The following DNAH7 variants were observed in gnomAD, a reference collection of about 807,000 sequenced individuals.
The protein encoded by DNAH7 is axonemal beta dynein heavy chain 7.
Under a neutral mutation model 444.6 loss-of-function variants are expected in DNAH7, and 397 were observed. That is an observed-to-expected ratio of 0.89 (90% CI 0.82 to 0.97). The LOEUF (loss-of-function observed/expected upper bound fraction) is 0.97, where lower values mean the gene tolerates loss of function less well. Among genes scored for constraint, DNAH7 ranks in the 50% least tolerant of loss-of-function variants. The pLI, the probability that DNAH7 is intolerant of heterozygous loss-of-function variation, is 0.00. For missense variants in DNAH7, 4,902 were observed against 4,800.8 expected (o/e 1.02, Z -0.62); for synonymous variants, 1,636 against 1,624.4 (o/e 1.01, Z -0.17).
In DNAH7 at chr2:195,926,601, T is replaced by G. The variant is rs181433835; in HGVS notation, c.3472-35A>C. 2.4e-4 allele frequency: 375 copies of G among 1,537,924 alleles called. 2 individuals are homozygous for G. The African/African-American group carries it at 4.3e-3, about 18-fold the overall frequency. ...AAAGAATATGCTAAATATTAACCAT[T>G]TCCTGAACAAGTTATACAATTGAGA... On this transcript the variant is annotated intron_variant, in intron 21 of 64. Coordinates refer to ENST00000312428, the MANE Select transcript of DNAH7 (RefSeq NM_018897.3).
intron 1 of DNAH7, among the ~76,000 whole-genome samples, chr2:196,064,758 C>A (rs1001195321): frequency 6.6e-5 from 10 of 152,122 alleles, no homozygotes; most frequent in African/African-American, 2.2e-4. Context: ...CCCATTAATA[C>A]GTTTCTCAAT....
chr2:195,778,618 G>GGAAAAAAAAAAAAAAAA (rs1365539221), intron 58 of DNAH7, among the ~76,000 whole-genome samples: 2 of 21,790 alleles, frequency 9.2e-5, no homozygotes, highest in African/African-American at 2.0e-4. Context: ...GACCCTGTCT[G>GGAAAAAAAAAAAAAAAA]AAAAAAAAAA....
At chr2:195,909,153 C>T (rs1687210599) in intron 25 of DNAH7, among the ~76,000 whole-genome samples, 1 of 151,888 alleles carries the variant, frequency 6.6e-6, no homozygotes, top group Non-Finnish European at 1.5e-5. Context: ...ATCTGGGTGA[C>T]AAAATTATCT....
intron 2 of DNAH7, among the ~76,000 whole-genome samples, chr2:196,056,044 G>A (rs1047370084): frequency 1.3e-5 from 2 of 152,186 alleles, no homozygotes; most frequent in African/African-American, 2.4e-5. Flanking sequence ...CCACACATAT[G>A]TCAGAAAAAT....
Position 195,973,485 on chromosome 2 carries a change from T to A in DNAH7, c.1834-1019A>T, listed in dbSNP as rs538642178. 1.0e-3 allele frequency among the ~76,000 whole-genome samples: 156 copies of A among 152,282 alleles called. 1 individual carries two copies. Among genetic ancestry groups the A allele is most frequent in the Non-Finnish European group, 1.3e-3 (88 of 68,026 alleles). On this transcript the variant is annotated intron_variant, in intron 15 of 64. Transcript: ENST00000312428. ...TGTTGTTTTGTTTTTGTTTTTGTTT[T>A]TTTTGAGATGGAGTCTCACTCTGTC...
rs1293246175 is a variant in DNAH7 at position 195,844,555 on chromosome 2, T to C, written c.8945+447A>G. On this transcript the variant is annotated intron_variant, in intron 47 of 64. Coordinates refer to ENST00000312428, the MANE Select transcript of DNAH7 (RefSeq NM_018897.3). The stretch of plus-strand genomic sequence containing the variant: ...TACAGGTATAATGGCTACTATTCCC[T>C]ATCAGTGTAGGACCCAGAAATACAT... 2.0e-5 allele frequency among the ~76,000 whole-genome samples: 3 copies of C among 152,178 alleles called. No homozygotes were observed. In the East Asian group the frequency reaches 5.8e-4, roughly 29 times the overall value.
chr2:195,827,551 G>C (rs1280303068), intron 48 of DNAH7, among the ~76,000 whole-genome samples: 1 of 151,668 alleles, frequency 6.6e-6, no homozygotes, highest in African/African-American at 2.4e-5. Flanking sequence ...CAAAATGCTG[G>C]GATTACAGGT....
chr2:195,873,609 A>G lies in DNAH7; in HGVS notation c.6372T>C (p.Tyr2124=). The G allele has an allele frequency of 2.7e-6, 4 of 1,495,064 alleles. No homozygotes were observed. The highest frequency in any genetic ancestry group is 3.6e-6 in the Non-Finnish European group (4 of 1,116,928). The allele number at this position is 1,495,064 out of a possible 1,614,324, so 92.6% of individuals were successfully genotyped here. A position where few individuals can be genotyped will look rare whatever the true frequency, so the allele number is the denominator to read the frequency against. The part of the protein sequence containing the change: ...TINEFSDKSM[Y]TIFSRILTWH... The stretch of plus-strand genomic sequence containing the variant: ...AAGTTAAGATTCTAGAGAAGATTGT[A>G]TACATGGATTTATCACTAAACTCAT... Residue 2124 remains tyrosine, a synonymous_variant, in exon 39 of 65, where the codon TAT becomes TAC. Transcript: ENST00000312428.
intron 57 of DNAH7, among the ~76,000 whole-genome samples, chr2:195,787,418 G>T (rs985164082): frequency 2.0e-5 from 3 of 152,076 alleles, no homozygotes; most frequent in African/African-American, 4.8e-5. Context: ...AGGAAGCATG[G>T]GAGGCTCATC....
intron 17 of DNAH7, among the ~76,000 whole-genome samples, chr2:195,967,729 A>G (rs1344931259): frequency 6.6e-6 from 1 of 152,104 alleles, no homozygotes; most frequent in Non-Finnish European, 1.5e-5. Flanking sequence ...TTGGAGCTCC[A>G]TTGTGTGCTA....
intron 56 of DNAH7, among the ~76,000 whole-genome samples, chr2:195,795,407 A>C (rs1435993338): frequency 6.6e-6 from 1 of 152,108 alleles, no homozygotes; most frequent in Admixed American, 6.6e-5. Context: ...ACAACAACAA[A>C]CACCTCTGAT....
chr2:196,049,564 C>T (rs1299520330), intron 3 of DNAH7, among the ~76,000 whole-genome samples: 1 of 152,150 alleles, frequency 6.6e-6, no homozygotes, highest in Non-Finnish European at 1.5e-5. Context: ...CAGGTACAAA[C>T]CTTAATACTG....
rs541591719 is a variant in DNAH7 at position 196,057,461 on chromosome 2, C to G, written c.78+593G>C. ...TTCAGGTTTACTTATAAACTAGAAA[C>G]AAGATAAATATTTGCAGAACTAAAA... On this transcript the variant is annotated intron_variant, in intron 2 of 64. Transcript: ENST00000312428. Among the ~76,000 whole-genome samples the G allele has an allele frequency of 6.6e-5, 10 of 152,096 alleles. No homozygotes were observed. In the South Asian group the frequency reaches 1.9e-3, roughly 28 times the overall value.
In DNAH7 at chr2:196,029,250, T is replaced by TTTTG. The variant is rs566487971; in HGVS notation, c.399-1207_399-1204dup. On this transcript the variant is annotated intron_variant, in intron 5 of 64. Coordinates refer to ENST00000312428, the MANE Select transcript of DNAH7 (RefSeq NM_018897.3). Reference sequence around the variant, plus strand: ...CCATAAAGCATATGACCTCAGTAACTTTTGTTTGTTTGTTTGTTTGTTTGT... The same window carrying TTTTG: ...CCATAAAGCATATGACCTCAGTAACTTTTGTTTGTTTGTTTGTTTGTTTGTTTGT... Among the ~76,000 whole-genome samples the TTTTG allele has an allele frequency of 3.2e-4, 44 of 135,608 alleles. 2 individuals are homozygous for TTTTG. The highest frequency in any genetic ancestry group is 1.3e-3 in the South Asian group (6 of 4,736). 89.0% of individuals were successfully genotyped at this position (135,608 alleles called of 152,430 possible). A position where few individuals can be genotyped will look rare whatever the true frequency, so the allele number is the denominator to read the frequency against.
chr2:195,862,907 G>T (rs1187462122), intron 41 of DNAH7, among the ~76,000 whole-genome samples: 1 of 152,150 alleles, frequency 6.6e-6, no homozygotes, highest in Non-Finnish European at 1.5e-5. Context: ...ATGGTGGTGG[G>T]TGCCTGTAAT....
At chr2:195,900,677 T>C in intron 27 of DNAH7, 183 bp from the exon 28 acceptor site, 1 of 549,060 alleles carries the variant, frequency 1.8e-6, no homozygotes, top group Non-Finnish European at 3.2e-6. Flanking sequence ...GGGGAGAGGC[T>C]GGTTAACAAA....
At chr2:196,017,604 A>T (rs1575030985) in intron 9 of DNAH7, among the ~76,000 whole-genome samples, 1 of 152,232 alleles carries the variant, frequency 6.6e-6, no homozygotes, top group East Asian at 1.9e-4. Context: ...CAAGAAAAAA[A>T]TAGAGAATCC....
At chr2:195,944,997 T>C (rs1429503308) in intron 19 of DNAH7, among the ~76,000 whole-genome samples, 1 of 151,672 alleles carries the variant, frequency 6.6e-6, no homozygotes, top group Non-Finnish European at 1.5e-5. Flanking sequence ...ACATAATTGA[T>C]TGAGTGATTT....
At chr2:196,043,827 G>A (rs1696926901) in intron 5 of DNAH7, among the ~76,000 whole-genome samples, 1 of 151,928 alleles carries the variant, frequency 6.6e-6, no homozygotes, top group Non-Finnish European at 1.5e-5. Flanking sequence ...TAATTATTGG[G>A]GAAATGCAAA....
Sources: allele counts gnomAD v4.1 joint callset (sites outside exome capture counted in the v4.1 genomes callset), GRCh38; gene constraint gnomAD v4.1.1; transcripts MANE v1.5; gene names NCBI Gene and HGNC (gene_info 2026-07-23, HGNC 2026-07-21).